The following SNX8 variants were observed in gnomAD, a reference collection of about 807,000 sequenced individuals.
SNX8 encodes the protein sorting nexin 8.
A neutral mutation model predicts 51.6 loss-of-function variants in SNX8; 25 were observed. The ratio of observed to expected loss-of-function variants is 0.48; its 90% CI spans 0.35 to 0.68. SNX8 has a LOEUF of 0.68. Ranked by LOEUF, SNX8 falls within the 30% of genes least tolerant of loss-of-function variation. The pLI is 0.00. For synonymous variants in SNX8, 324 were observed against 277.0 expected (o/e 1.17, Z -1.68); for missense variants, 695 against 624.0 (o/e 1.11, Z -1.21).
chr7:2,341,844 G>A (rs1432470395), intron 1 of SNX8, among the ~76,000 whole-genome samples: 3 of 151,846 alleles, frequency 2.0e-5, no homozygotes, highest in Admixed American at 6.6e-5. Flanking sequence ...AAAATTAGCC[G>A]GGTGTGTAAT....
chr7:2,293,470 A>G (rs1796199520), intron 1 of SNX8, among the ~76,000 whole-genome samples: 1 of 151,468 alleles, frequency 6.6e-6, no homozygotes, highest in Admixed American at 6.6e-5. Context: ...CCTGGCCAAC[A>G]TGGTGAAACC....
At position 2,269,649 on chromosome 7, in the gene SNX8, G is replaced by A; in HGVS notation, c.541-10C>T. The A allele has an allele frequency of 6.3e-7, 1 of 1,581,526 alleles. No homozygotes were observed. ...ACTTGTTCTGCACATCCTGCAAAAGGAAAACACACAGCTTCACCCTCTTCT... is the reference window on the plus strand; with the variant it reads ...ACTTGTTCTGCACATCCTGCAAAAGAAAAACACACAGCTTCACCCTCTTCT... On this transcript the variant is annotated splice_polypyrimidine_tract_variant and intron_variant, in intron 4 of 10. Transcript: ENST00000222990.
intron 1 of SNX8, among the ~76,000 whole-genome samples, chr7:2,300,945 T>C (rs1796376545): frequency 6.6e-6 from 1 of 152,076 alleles, no homozygotes; most frequent in Non-Finnish European, 1.5e-5. Flanking sequence ...GCCCAGCCCC[T>C]GTTGTGGAGC....
chr7:2,327,493 C>T (rs1003640032), intron 1 of SNX8, among the ~76,000 whole-genome samples: 5 of 152,072 alleles, frequency 3.3e-5, no homozygotes, highest in East Asian at 1.9e-4. Flanking sequence ...CTGCAAGCTC[C>T]GCATCTCTGG....
At chr7:2,313,999 G>A (rs1215991177) in intron 1 of SNX8, among the ~76,000 whole-genome samples, 1 of 152,258 alleles carries the variant, frequency 6.6e-6, no homozygotes, top group Non-Finnish European at 1.5e-5. Flanking sequence ...CAGGAACGGG[G>A]CGAGGAGGAA....
chr7:2,277,811 A>T (rs1164616175), intron 2 of SNX8, among the ~76,000 whole-genome samples: 3 of 69,072 alleles, frequency 4.3e-5, no homozygotes, highest in Non-Finnish European at 8.2e-5. Flanking sequence ...CACATCGGGG[A>T]AAAAAAAAAA....
chr7:2,334,521 A>C (rs1778790982), intron 1 of SNX8, among the ~76,000 whole-genome samples: 1 of 151,990 alleles, frequency 6.6e-6, no homozygotes, highest in African/African-American at 2.4e-5. Context: ...AACACAGTGA[A>C]ACACTGTCTC....
chr7:2,317,886 C>A (rs1196242246), upstream of SNX8, among the ~76,000 whole-genome samples: 1 of 152,148 alleles, frequency 6.6e-6, no homozygotes, highest in Non-Finnish European at 1.5e-5. Flanking sequence ...TAACAACTTT[C>A]CCTAGGCACA....
rs186634883 is a variant in SNX8, at chr7:2,298,023, T to C, written c.94+16305A>G. 3.6e-3 allele frequency among the ~76,000 whole-genome samples: 546 copies of C among 152,026 alleles called. 12 individuals are homozygous for C. Among genetic ancestry groups the C allele is most frequent in the African/African-American group, 0.013 (521 of 41,334 alleles). On this transcript the variant is annotated intron_variant, in intron 1 of 10. Transcript: ENST00000222990. ...TAACCAAAAACCAGCCCTAAAACTATTGAAATAAAAATATTTTTTTAAAAG... is the reference window on the plus strand; with the variant it reads ...TAACCAAAAACCAGCCCTAAAACTACTGAAATAAAAATATTTTTTTAAAAG...
At chr7:2,292,335 A>T (rs1399010456) in intron 1 of SNX8, among the ~76,000 whole-genome samples, 1 of 152,078 alleles carries the variant, frequency 6.6e-6, no homozygotes, top group Non-Finnish European at 1.5e-5. Flanking sequence ...ACAGACCTAA[A>T]TGCAAGAGCT....
At chr7:2,351,210 A>T (rs1779132215) in intron 1 of SNX8, among the ~76,000 whole-genome samples, 1 of 152,160 alleles carries the variant, frequency 6.6e-6, no homozygotes, top group African/African-American at 2.4e-5. Flanking sequence ...CTCTGCTGCC[A>T]GGGTTGGTGC....
rs1309581244 is a variant in SNX8, at chr7:2,257,475, G to A, written c.1024C>T (p.His342Tyr). 7.5e-6 allele frequency: 12 copies of A among 1,606,982 alleles called. No homozygotes were observed. Among genetic ancestry groups the A allele is most frequent in the Middle Eastern group, 1.8e-4 (1 of 5,624 alleles). Residue 342 changes from histidine (H) to tyrosine (Y), a missense_variant, in exon 9 of 11, where the codon CAC becomes TAC. By Grantham distance (83) the His-to-Tyr change is moderately conservative. Transcript: ENST00000222990. ...ERHEKGVLHK[H>Y]QRALHKYSLM... ...CTGTACTTGTGCAGGGCCCGCTGGT[G>A]CTTGTGCAACACGCCCTTCTCATGC...
chr7:2,301,738 T>C (rs547110410), intron 1 of SNX8, among the ~76,000 whole-genome samples: 2 of 152,194 alleles, frequency 1.3e-5, no homozygotes, highest in East Asian at 1.9e-4. Context: ...AAGGTGATTC[T>C]GCCCTGGACC....
chr7:2,311,305 C>A (rs896971877), intron 1 of SNX8, among the ~76,000 whole-genome samples: 1 of 152,214 alleles, frequency 6.6e-6, no homozygotes, highest in African/African-American at 2.4e-5. Context: ...TTCAAACCAA[C>A]CTTAGTGAAC....
chr7:2,289,862 G>A (rs4719486), intron 1 of SNX8, among the ~76,000 whole-genome samples: 64,183 of 151,958 alleles, frequency 0.42, 14,039 homozygotes, highest in East Asian at 0.66. Context: ...GAGCCACTAC[G>A]CTCCTGCCTG....
rs767866956 is a variant in SNX8, at chr7:2,256,915, G to T, written c.1243C>A (p.Leu415Ile). Residue 415 changes from leucine to isoleucine, a missense_variant, in exon 10 of 11, where the codon CTC (leucine) becomes ATC (isoleucine). Transcript: ENST00000222990. ...ATCTGAGAGTTGACGAAGGCGCGGA[G>T]GATGTGGGAGGTGAGGGGCAGGTAG... The part of the protein sequence containing the change: ...HVYLPLTSHI[L>I]RAFVNSQIQG... The T allele has an allele frequency of 6.2e-7, 1 of 1,613,736 alleles. No homozygotes were observed. The highest frequency in any genetic ancestry group is 1.1e-5 in the South Asian group (1 of 91,058).
chr7:2,270,314 CAAA>C (rs57983721), intron 4 of SNX8, among the ~76,000 whole-genome samples: 921 of 57,034 alleles, frequency 0.016, 4 homozygotes, highest in East Asian at 0.057. Context: ...TCTCATTTTA[CAAA>C]AAAAAAAAAA....
chr7:2,315,892 C>G (rs1796746885), upstream of SNX8, among the ~76,000 whole-genome samples: 1 of 148,432 alleles, frequency 6.7e-6, no homozygotes, highest in Non-Finnish European at 1.5e-5. Flanking sequence ...TCACTAACTG[C>G]ATCCTGCATT....
intron 1 of SNX8, among the ~76,000 whole-genome samples, chr7:2,293,619 G>A (rs563727168): frequency 4.6e-5 from 7 of 150,824 alleles, no homozygotes; most frequent in African/African-American, 9.7e-5. Context: ...CCAAGATAGC[G>A]CCATTGTACT....
Sources: allele counts gnomAD v4.1 joint callset (sites outside exome capture counted in the v4.1 genomes callset), GRCh38; gene constraint gnomAD v4.1.1; transcripts MANE v1.5; gene names NCBI Gene and HGNC (gene_info 2026-07-23, HGNC 2026-07-21).